Variants in PLXDC2 observed in about 807,000 individuals in gnomAD.
The protein encoded by PLXDC2 is plexin domain containing 2, also known as plexin domain-containing protein 2.
In PLXDC2, 40 loss-of-function variants were observed where a neutral mutation model predicts 68.9. The observed-to-expected ratio is 0.58, with a 90% CI of 0.45 to 0.76. PLXDC2 has a LOEUF of 0.76. PLXDC2 is among the 30% of genes least tolerant of loss of function. The pLI is 0.00. For missense variants in PLXDC2, 644 were observed against 661.9 expected, an observed-to-expected ratio of 0.97 and a Z score of 0.30; for synonymous variants, 243 against 234.2, an observed-to-expected ratio of 1.04 and a Z score of -0.34.
intron 13 of PLXDC2, 115 bp from the exon 14 acceptor site, chr10:20,279,588 A>C: frequency 1.3e-6 from 1 of 780,044 alleles, no homozygotes; most frequent in Middle Eastern, 2.4e-4. Flanking sequence ...AATAAGAGAT[A>C]ATTTAATGTG....
At chr10:20,187,787 G>A (rs191522278) in intron 9 of PLXDC2, among the ~76,000 whole-genome samples, 23 of 151,930 alleles carry the variant, frequency 1.5e-4, no homozygotes, top group African/African-American at 4.6e-4. Context: ...AATCGATCTC[G>A]ATGACACTTT....
chr10:20,097,225 G>C (rs1212678260), intron 4 of PLXDC2, among the ~76,000 whole-genome samples: 1 of 152,154 alleles, frequency 6.6e-6, no homozygotes, highest in African/African-American at 2.4e-5. Flanking sequence ...TTTGAATCCG[G>C]AGACACTGAG....
chr10:20,131,175 TTTCAGA>T (rs1425387097), intron 4 of PLXDC2, among the ~76,000 whole-genome samples: 5 of 151,862 alleles, frequency 3.3e-5, no homozygotes, highest in African/African-American at 7.2e-5. Flanking sequence ...ATTTTTTTTT[TTTCAGA>T]TTTTCTATTC....
At chr10:20,209,934 A>T (rs930759426) in intron 9 of PLXDC2, among the ~76,000 whole-genome samples, 19 of 152,134 alleles carry the variant, frequency 1.2e-4, no homozygotes, top group African/African-American at 4.6e-4. Flanking sequence ...TTATAAAAGT[A>T]TTAATTTGGG....
intron 4 of PLXDC2, among the ~76,000 whole-genome samples, chr10:20,109,566 G>T (rs1833532241): frequency 6.6e-6 from 1 of 152,020 alleles, no homozygotes; most frequent in Admixed American, 6.5e-5. Flanking sequence ...TGTAAGCTTA[G>T]CTCCATAAAT....
chr10:19,889,942 C>G (rs142199039), intron 1 of PLXDC2, among the ~76,000 whole-genome samples: 89 of 152,274 alleles, frequency 5.8e-4, no homozygotes, highest in East Asian at 3.7e-3. Flanking sequence ...ACAGAGGAAG[C>G]CACTGAGGCG....
chr10:20,088,979 T>C (rs892834663), intron 4 of PLXDC2, among the ~76,000 whole-genome samples: 5 of 152,198 alleles, frequency 3.3e-5, no homozygotes, highest in African/African-American at 1.2e-4. Flanking sequence ...TAAGCTGGGC[T>C]CACAACTCAT....
At chr10:20,188,119 A>T (rs1160760133) in intron 9 of PLXDC2, among the ~76,000 whole-genome samples, 1 of 151,702 alleles carries the variant, frequency 6.6e-6, no homozygotes, top group Non-Finnish European at 1.5e-5. Context: ...TGTGAATGTT[A>T]TTAAATATAT....
intron 1 of PLXDC2, among the ~76,000 whole-genome samples, chr10:19,892,214 G>C (rs979451528): frequency 1.3e-5 from 2 of 152,088 alleles, no homozygotes; most frequent in Non-Finnish European, 2.9e-5. Context: ...CACTGTCTAA[G>C]GGCTCTTAGT....
intron 1 of PLXDC2, among the ~76,000 whole-genome samples, chr10:19,937,847 TCCA>T (rs1833753813): frequency 6.6e-6 from 1 of 152,036 alleles, no homozygotes; most frequent in African/African-American, 2.4e-5. Context: ...GGAGGCAACG[TCCA>T]GTCCTTGGTC....
intron 1 of PLXDC2, among the ~76,000 whole-genome samples, chr10:19,835,742 C>G (rs1036046240): frequency 6.6e-6 from 1 of 152,080 alleles, no homozygotes; most frequent in Non-Finnish European, 1.5e-5. Flanking sequence ...AAAAGCATCA[C>G]TAGGACAGAT....
chr10:20,073,303 C>G (rs1277297559), intron 4 of PLXDC2, among the ~76,000 whole-genome samples: 1 of 152,172 alleles, frequency 6.6e-6, no homozygotes, highest in African/African-American at 2.4e-5. Context: ...ATCTATCTCT[C>G]TCCACACAGA....
rs566241707 is a variant in PLXDC2, at chr10:20,120,894, A to G, written c.542-22401A>G. On this transcript the variant is annotated intron_variant, in intron 4 of 13. Transcript: ENST00000377252. ...AGCCTGCCTTTGCTGGTGTGTGGCA[A>G]TTAGGCCTGATGGAACCGCCATCAA... is the stretch of plus-strand genomic sequence containing the variant. Among the ~76,000 whole-genome samples, 6 of 152,308 alleles carry G rather than the reference A, an allele frequency of 3.9e-5. No individual in the cohort carries two copies. In the South Asian group the frequency reaches 1.2e-3, roughly 32 times the overall value.
chr10:20,072,420 A>G (rs1004891326), intron 4 of PLXDC2, among the ~76,000 whole-genome samples: 1 of 118,038 alleles, frequency 8.5e-6, no homozygotes, highest in African/African-American at 4.7e-5. Flanking sequence ...AGAGGAAAGA[A>G]AGAGAGAAAG....
At chr10:20,133,657 T>G (rs557309509) in intron 4 of PLXDC2, among the ~76,000 whole-genome samples, 2 of 152,332 alleles carry the variant, frequency 1.3e-5, no homozygotes, top group Admixed American at 1.3e-4. Context: ...CTTCAGAGAA[T>G]TTGTTAATAA....
intron 2 of PLXDC2, among the ~76,000 whole-genome samples, chr10:20,040,870 G>T (rs1835670622): frequency 6.6e-6 from 1 of 152,036 alleles, no homozygotes; most frequent in South Asian, 2.1e-4. Context: ...ACCTTAAAAG[G>T]TTACCTAAAA....
chr10:20,116,953 A>G (rs1346783041), intron 4 of PLXDC2, among the ~76,000 whole-genome samples: 1 of 152,138 alleles, frequency 6.6e-6, no homozygotes, highest in African/African-American at 2.4e-5. Context: ...CACAATGAAT[A>G]AAAATGAAAA....
chr10:20,059,506 A>G (rs1836060768), intron 3 of PLXDC2, among the ~76,000 whole-genome samples: 1 of 152,228 alleles, frequency 6.6e-6, no homozygotes, highest in Non-Finnish European at 1.5e-5. Flanking sequence ...TCCCTTGAAG[A>G]GCACCATTCA....
intron 12 of PLXDC2, among the ~76,000 whole-genome samples, chr10:20,238,696 C>CACATCTATGTGTATATATAT (rs1835472970): frequency 1.8e-5 from 2 of 113,258 alleles, no homozygotes; most frequent in Non-Finnish European, 3.6e-5. Flanking sequence ...TATATATACA[C>CACATCTATGTGTATATATAT]ACATATATAT....
Sources: allele counts gnomAD v4.1 joint callset (sites outside exome capture counted in the v4.1 genomes callset), GRCh38; gene constraint gnomAD v4.1.1; transcripts MANE v1.5; gene names NCBI Gene and HGNC (gene_info 2026-07-23, HGNC 2026-07-21).